NKAIN2: variants seen among roughly 807,000 people sequenced by gnomAD.
NKAIN2 encodes the protein sodium/potassium-transporting ATPase subunit beta-1-interacting protein 2.
NKAIN2 carries 14 observed loss-of-function variants against 32.6 expected under a neutral mutation model. That is an observed-to-expected ratio of 0.43 (90% CI 0.28 to 0.67). The LOEUF (loss-of-function observed/expected upper bound fraction) is 0.67, where lower values mean the gene tolerates loss of function less well. Ranked by LOEUF, NKAIN2 falls within the 30% of genes least tolerant of loss-of-function variation. NKAIN2 has a pLI of 0.17. For missense variants in NKAIN2, 198 were observed against 258.3 expected (o/e 0.77, Z 1.60); for synonymous variants, 80 against 87.2 (o/e 0.92, Z 0.46).
chr6:124,009,545 C>T (rs1035008812), intron 1 of NKAIN2, among the ~76,000 whole-genome samples: 15 of 152,156 alleles, frequency 9.9e-5, no homozygotes, highest in Non-Finnish European at 8.8e-5. Flanking sequence ...GTCCCCCTCC[C>T]TCAGCATTGA....
chr6:124,645,062 T>A (rs1450617911), intron 3 of NKAIN2, among the ~76,000 whole-genome samples: 2 of 152,230 alleles, frequency 1.3e-5, no homozygotes, highest in African/African-American at 4.8e-5. Flanking sequence ...ACTTATATTT[T>A]ATCCTAAAAT....
At chr6:124,640,943 A>C (rs1373941384) in intron 3 of NKAIN2, among the ~76,000 whole-genome samples, 4 of 151,552 alleles carry the variant, frequency 2.6e-5, no homozygotes, top group Non-Finnish European at 4.4e-5. Context: ...AATTACAAGG[A>C]TCACCTTAAA....
chr6:123,985,450 T>C (rs9375303), intron 1 of NKAIN2, among the ~76,000 whole-genome samples: 34,623 of 151,978 alleles, frequency 0.23, 4,743 homozygotes, highest in East Asian at 0.37. Context: ...CAAAAATCAA[T>C]TCTATAAAGT....
chr6:124,173,545 A>T (rs1024879293), intron 1 of NKAIN2, among the ~76,000 whole-genome samples: 4 of 152,110 alleles, frequency 2.6e-5, no homozygotes, highest in Admixed American at 1.3e-4. Context: ...TAATATTAAT[A>T]GGCCCTTTGA....
chr6:124,526,463 C>G (rs1419341852), intron 3 of NKAIN2, among the ~76,000 whole-genome samples: 1 of 152,094 alleles, frequency 6.6e-6, no homozygotes, highest in Non-Finnish European at 1.5e-5. Context: ...GCTTCCAGGT[C>G]TTCCACATGT....
At chr6:124,424,766 A>AG (rs1298595267) in intron 3 of NKAIN2, among the ~76,000 whole-genome samples, 2 of 152,108 alleles carry the variant, frequency 1.3e-5, no homozygotes, top group African/African-American at 2.4e-5. Flanking sequence ...CTTCTTTTTA[A>AG]GGCTGATTAA....
At chr6:124,660,951 T>C (rs1311960760) in intron 4 of NKAIN2, among the ~76,000 whole-genome samples, 3 of 152,206 alleles carry the variant, frequency 2.0e-5, no homozygotes, top group Non-Finnish European at 4.4e-5. Flanking sequence ...ATTGATGAAA[T>C]AGTGTCTTAA....
chr6:124,660,116 T>A (rs546572403), intron 4 of NKAIN2, among the ~76,000 whole-genome samples: 1 of 152,222 alleles, frequency 6.6e-6, no homozygotes, highest in Non-Finnish European at 1.5e-5. Flanking sequence ...ATTTCTGTGA[T>A]TTGGGGTCAG....
At chr6:124,553,663 G>A (rs1444750589) in intron 3 of NKAIN2, among the ~76,000 whole-genome samples, 1 of 152,182 alleles carries the variant, frequency 6.6e-6, no homozygotes, top group African/African-American at 2.4e-5. Context: ...ACCCGAGGAA[G>A]TATTGGAACA....
chr6:124,555,336 C>CCAGA (rs1554225210), intron 3 of NKAIN2, among the ~76,000 whole-genome samples: 1 of 151,366 alleles, frequency 6.6e-6, no homozygotes, highest in Non-Finnish European at 1.5e-5. Context: ...ATGACAGCCT[C>CCAGA]CTGACTGTGT....
At chr6:124,777,322 G>A (rs1484225161) in intron 4 of NKAIN2, among the ~76,000 whole-genome samples, 2 of 152,152 alleles carry the variant, frequency 1.3e-5, no homozygotes, top group African/African-American at 4.8e-5. Context: ...TTGACTGGCA[G>A]ACAGTAGAGT....
At chr6:124,782,693 G>T (rs1004249) in intron 4 of NKAIN2, among the ~76,000 whole-genome samples, 33,838 of 152,008 alleles carry the variant, frequency 0.22, 4,603 homozygotes, top group African/African-American at 0.38. Context: ...GATCAAAAAT[G>T]ATGTTACTTG....
chr6:124,006,041 G>C (rs1426787800), intron 1 of NKAIN2, among the ~76,000 whole-genome samples: 3 of 152,084 alleles, frequency 2.0e-5, no homozygotes, highest in Non-Finnish European at 4.4e-5. Context: ...ACAAAATGCT[G>C]TTGTTATGCT....
In NKAIN2 at chr6:124,392,269, A is replaced by G. The variant is rs564630254; in HGVS notation, c.273+36922A>G. Among the ~76,000 whole-genome samples, 5 of 152,246 alleles carry G rather than the reference A, an allele frequency of 3.3e-5. No homozygotes were observed. The East Asian group carries it at 9.7e-4, about 29-fold the overall frequency. Reference sequence around the variant, plus strand: ...AAACTGTAAGCTTTGTAAGGCCCGTATTTTATTGGTTTACTGTAATATTCA... The same window carrying G: ...AAACTGTAAGCTTTGTAAGGCCCGTGTTTTATTGGTTTACTGTAATATTCA... On this transcript the variant is annotated intron_variant, in intron 3 of 6. Coordinates refer to ENST00000368417, the MANE Select transcript of NKAIN2 (RefSeq NM_001040214.3).
chr6:124,707,338 T>C (rs1463195798), intron 4 of NKAIN2, among the ~76,000 whole-genome samples: 1 of 151,954 alleles, frequency 6.6e-6, no homozygotes, highest in East Asian at 1.9e-4. Context: ...TGATTTATAG[T>C]CCTTTGGGTA....
At chr6:124,188,156 T>C (rs1229034803) in intron 1 of NKAIN2, among the ~76,000 whole-genome samples, 1 of 152,182 alleles carries the variant, frequency 6.6e-6, no homozygotes, top group Non-Finnish European at 1.5e-5. Flanking sequence ...AACCTAGTGA[T>C]TCTACACTTT....
rs372455853 is a variant in NKAIN2 at position 124,797,824 on chromosome 6, G to A, written c.535+6425G>A. ...TGGGGGAGGGTAGACATGGGAGCAG[G>A]GAAAACTATTTCCCCTTGAAAAAAA... On this transcript the variant is annotated intron_variant, in intron 5 of 6. Coordinates refer to ENST00000368417, the MANE Select transcript of NKAIN2 (RefSeq NM_001040214.3). Among the ~76,000 whole-genome samples the A allele has an allele frequency of 7.2e-5, 11 of 151,996 alleles. No homozygotes were observed. In the South Asian group the frequency reaches 2.3e-3, roughly 32 times the overall value.
intron 3 of NKAIN2, among the ~76,000 whole-genome samples, chr6:124,568,822 C>CAA (rs3053601): frequency 0.057 from 4,583 of 80,020 alleles, 221 homozygotes; most frequent in African/African-American, 0.14. Flanking sequence ...AGCACTGTGG[C>CAA]AAAAAAAAAA....
chr6:124,431,777 T>C (rs1331344630), intron 3 of NKAIN2, among the ~76,000 whole-genome samples: 1 of 152,138 alleles, frequency 6.6e-6, no homozygotes, highest in African/African-American at 2.4e-5. Context: ...CACACACACA[T>C]ATATAATTGT....
Sources: allele counts gnomAD v4.1 joint callset (sites outside exome capture counted in the v4.1 genomes callset), GRCh38; gene constraint gnomAD v4.1.1; transcripts MANE v1.5; gene names NCBI Gene and HGNC (gene_info 2026-07-23, HGNC 2026-07-21).